The following RBM20 variants were observed in gnomAD, a reference collection of about 807,000 sequenced individuals.
RBM20 encodes RNA-binding protein 20.
In RBM20, 51 loss-of-function variants were observed where a neutral mutation model predicts 110.1. That is an observed-to-expected ratio of 0.46 (90% confidence interval 0.37 to 0.59). The LOEUF is 0.59. Ranked by LOEUF, RBM20 falls within the 20% of genes least tolerant of loss-of-function variation. The pLI is 0.00. For synonymous variants in RBM20, 589 were observed against 618.2 expected (o/e 0.95, Z 0.70); for missense variants, 1,512 against 1,574.9 (o/e 0.96, Z 0.68).
At chr10:110,747,445 G>A (rs1357473144) in intron 1 of RBM20, among the ~76,000 whole-genome samples, 3 of 152,142 alleles carry the variant, frequency 2.0e-5, no homozygotes, top group Non-Finnish European at 2.9e-5. Flanking sequence ...GATGGGGAGA[G>A]ACAGTCATTG....
intron 12 of RBM20, among the ~76,000 whole-genome samples, chr10:110,825,995 C>A (rs994873404): frequency 6.6e-6 from 1 of 152,188 alleles, no homozygotes; most frequent in Admixed American, 6.5e-5. Context: ...TTCAGATGTG[C>A]TTGTTCAGTG....
At chr10:110,747,939 G>A (rs748980892) in intron 1 of RBM20, among the ~76,000 whole-genome samples, 1 of 151,826 alleles carries the variant, frequency 6.6e-6, no homozygotes, top group Admixed American at 6.6e-5. Context: ...TTTTTCAAGT[G>A]AAGTAAAACT....
chr10:110,791,639 C>T (rs1473674184), intron 5 of RBM20, among the ~76,000 whole-genome samples: 1 of 152,202 alleles, frequency 6.6e-6, no homozygotes, highest in Non-Finnish European at 1.5e-5. Context: ...GTTGAGAGGT[C>T]TGGGACCCAG....
At chr10:110,776,125 G>A (rs1049500089) in intron 1 of RBM20, among the ~76,000 whole-genome samples, 3 of 152,124 alleles carry the variant, frequency 2.0e-5, no homozygotes, top group Admixed American at 6.5e-5. Context: ...TCTGAGACAC[G>A]TTGCTTGGGC....
Position 110,780,942 on chromosome 10 carries a change from C to CA in RBM20, c.335dup (p.Asn112LysfsTer56), listed in dbSNP as rs746016893. On this transcript the variant is annotated frameshift_variant, in exon 2 of 14. Transcript: ENST00000369519. LOFTEE classifies it high-confidence loss of function. ...TGAAGCTGGCACAGACAGCTGTCAC[C>CA]AACAACACTGCAGCCGCCACAGTCC... The CA allele has an allele frequency of 3.2e-6, 5 of 1,551,578 alleles. No homozygotes were observed. The highest frequency in any genetic ancestry group is 4.4e-6 in the Non-Finnish European group (5 of 1,146,994).
intron 1 of RBM20, among the ~76,000 whole-genome samples, chr10:110,695,103 G>A (rs916457828): frequency 1.1e-4 from 16 of 152,232 alleles, no homozygotes; most frequent in Middle Eastern, 3.4e-3. Flanking sequence ...TTACGATATC[G>A]TCAGGCAGTG....
intron 1 of RBM20, among the ~76,000 whole-genome samples, chr10:110,658,265 A>T (rs1862053649): frequency 1.3e-5 from 2 of 152,306 alleles, no homozygotes; most frequent in South Asian, 4.1e-4. Context: ...GGAGCAGGGG[A>T]AACTTACACA....
chr10:110,674,041 AT>A (rs1056446808), intron 1 of RBM20, among the ~76,000 whole-genome samples: 6 of 152,142 alleles, frequency 3.9e-5, no homozygotes, highest in African/African-American at 1.4e-4. Flanking sequence ...TCCTTCCTGC[AT>A]TTTTATATTG....
chr10:110,703,252 C>A (rs1402954902), intron 1 of RBM20, among the ~76,000 whole-genome samples: 1 of 151,680 alleles, frequency 6.6e-6, no homozygotes, highest in Admixed American at 6.6e-5. Flanking sequence ...GTGGCAGGCA[C>A]CTGTAATTCC....
intron 5 of RBM20, among the ~76,000 whole-genome samples, chr10:110,785,225 T>C (rs1465790647): frequency 1.3e-5 from 2 of 152,222 alleles, no homozygotes; most frequent in African/African-American, 2.4e-5. Flanking sequence ...GCTGGGAGGA[T>C]GTTAACACTT....
At chr10:110,768,713 C>T (rs778098893) in intron 1 of RBM20, among the ~76,000 whole-genome samples, 16 of 152,186 alleles carry the variant, frequency 1.1e-4, no homozygotes, top group Non-Finnish European at 2.1e-4. Context: ...TTGAAAGATT[C>T]TAGGATGTGG....
chr10:110,694,187 A>G (rs2134881288), intron 1 of RBM20, among the ~76,000 whole-genome samples: 1 of 152,358 alleles, frequency 6.6e-6, no homozygotes, highest in African/African-American at 2.4e-5. Flanking sequence ...CCAACCATGC[A>G]GAACACAGAA....
chr10:110,804,174 T>C lies in RBM20; in HGVS notation c.1800+4256T>C, dbSNP rs139870222. Reference sequence around the variant, plus strand: ...TCTGACTGGACTAGCTTAGCACAGGTGCACATTCCTGAATTGATCTCTGGC... The same window carrying C: ...TCTGACTGGACTAGCTTAGCACAGGCGCACATTCCTGAATTGATCTCTGGC... On this transcript the variant is annotated intron_variant, in intron 7 of 13. Coordinates refer to ENST00000369519, the MANE Select transcript of RBM20 (RefSeq NM_001134363.3). Among the ~76,000 whole-genome samples the C allele has an allele frequency of 3.7e-3, 566 of 152,310 alleles. 7 individuals carry two copies. Among genetic ancestry groups the C allele is most frequent in the African/African-American group, 0.013 (535 of 41,560 alleles).
At chr10:110,700,631 G>A (rs1185901518) in intron 1 of RBM20, among the ~76,000 whole-genome samples, 3 of 152,078 alleles carry the variant, frequency 2.0e-5, no homozygotes, top group Non-Finnish European at 4.4e-5. Context: ...TATGCCTATG[G>A]CCTCCTCTTC....
intron 8 of RBM20, 99 bp from the exon 9 acceptor site, chr10:110,812,179 T>C (rs1844775632): frequency 2.8e-6 from 3 of 1,072,166 alleles, no homozygotes; most frequent in Non-Finnish European, 1.3e-6. Context: ...CACAGTTACA[T>C]GCACAGTATA....
In RBM20 at chr10:110,812,732, C is replaced by T; in HGVS notation, c.2335C>T (p.Pro779Ser). 1 of 1,551,694 alleles carries T rather than the reference C, an allele frequency of 6.4e-7. No individual in the cohort carries two copies. Among genetic ancestry groups the T allele is most frequent in the Non-Finnish European group, 8.7e-7 (1 of 1,146,980 alleles). ...GTATCTGAAGCAGCAGCAGGATGCC[C>T]CCGGGAGGTCCAGGAGGAAAGACGA... Reference protein sequence around the residue: ...DKYLKQQQDAPGRSRRKDEAR... With the variant: ...DKYLKQQQDASGRSRRKDEAR... Residue 779 changes from proline (P) to serine (S), a missense_variant, in exon 9 of 14, where the codon CCC (proline) becomes TCC (serine). By Grantham distance (74) the Pro-to-Ser change is moderately conservative. This residue lies in a region of RBM20 where 1,149 missense variants were observed against 1,169.4 expected (regional missense o/e 0.98). Transcript: ENST00000369519.
At chr10:110,687,054 A>AG in intron 1 of RBM20, among the ~76,000 whole-genome samples, 1 of 152,038 alleles carries the variant, frequency 6.6e-6, no homozygotes, top group Admixed American at 6.6e-5. Flanking sequence ...AAAAAAAAAA[A>AG]AAAGAAAAAA....
chr10:110,835,878 C>A lies in RBM20; in HGVS notation c.3584C>A (p.Ser1195Tyr), dbSNP rs753102653. Reference sequence around the variant, plus strand: ...CTCTTCTTTCCACAGAAATATTTGTCCCAGCTGGCCGAGGAGGGCCTCAAG... The same window carrying A: ...CTCTTCTTTCCACAGAAATATTTGTACCAGCTGGCCGAGGAGGGCCTCAAG... ...VHYRNLQKYL[S>Y]QLAEEGLKET... Residue 1195 changes from serine to tyrosine, a missense_variant, in exon 14 of 14, where the codon TCC becomes TAC. By Grantham distance (144) the Ser-to-Tyr change is moderately radical. Coordinates refer to ENST00000369519, the MANE Select transcript of RBM20 (RefSeq NM_001134363.3). 382 of 1,550,564 alleles carry A rather than the reference C, an allele frequency of 2.5e-4. 1 individual carries two copies. Among genetic ancestry groups the A allele is most frequent in the Non-Finnish European group, 3.0e-4 (340 of 1,146,298 alleles).
At chr10:110,680,421 G>A (rs960302189) in intron 1 of RBM20, among the ~76,000 whole-genome samples, 5 of 152,168 alleles carry the variant, frequency 3.3e-5, no homozygotes, top group African/African-American at 1.2e-4. Context: ...CCCATCTCAG[G>A]GGTTCGGTTC....
Sources: allele counts gnomAD v4.1 joint callset (sites outside exome capture counted in the v4.1 genomes callset), GRCh38; gene constraint gnomAD v4.1.1; regional missense constraint gnomAD v4.1.1; transcripts MANE v1.5; gene names NCBI Gene and HGNC (gene_info 2026-07-23, HGNC 2026-07-21).